The following VSX1 variants were observed in gnomAD, a reference collection of about 807,000 sequenced individuals.
VSX1 encodes the protein homeodomain protein RINX.
VSX1 carries 23 observed loss-of-function variants against 23.6 expected under a neutral mutation model. That is an observed-to-expected ratio of 0.97 (90% CI 0.70 to 1.38). The LOEUF (loss-of-function observed/expected upper bound fraction) is 1.38, where lower values mean the gene tolerates loss of function less well. Ranked by LOEUF, VSX1 falls within the 40% of genes most tolerant of loss-of-function variation. VSX1 has a pLI of 0.00. For synonymous variants in VSX1, 247 were observed against 215.1 expected (o/e 1.15, Z -1.30); for missense variants, 517 against 495.4 (o/e 1.04, Z -0.41).
downstream of VSX1, among the ~76,000 whole-genome samples, chr20:25,072,252 C>T (rs2089395260): frequency 6.6e-6 from 1 of 152,188 alleles, no homozygotes; most frequent in Non-Finnish European, 1.5e-5. Flanking sequence ...TTCACACATC[C>T]CACACATACA....
chr20:25,074,038 C>T (rs2089436671), downstream of VSX1, among the ~76,000 whole-genome samples: 1 of 152,112 alleles, frequency 6.6e-6, no homozygotes, highest in African/African-American at 2.4e-5. Context: ...TTTTGTTTGT[C>T]CCATATTGTC....
intron 1 of VSX1, 21 bp downstream of exon 1, chr20:25,081,652 G>A (rs1392110914): frequency 6.6e-7 from 1 of 1,525,976 alleles, no homozygotes; most frequent in Admixed American, 2.0e-5. Flanking sequence ...GGGCAGGAGC[G>A]GAAAGCGCGG....
intron 1 of VSX1, among the ~76,000 whole-genome samples, chr20:25,080,945 C>T (rs1568865739): frequency 6.6e-6 from 1 of 152,230 alleles, no homozygotes; most frequent in Non-Finnish European, 1.5e-5. Context: ...TTCTCTCCCA[C>T]ACCCAAAACC....
At chr20:25,077,561 G>T in intron 4 of VSX1, 124 bp downstream of exon 4, 1 of 1,171,232 alleles carries the variant, frequency 8.5e-7, no homozygotes, top group Admixed American at 2.0e-5. Flanking sequence ...AACGGTTCTG[G>T]ACCTGAATCT....
intron 1 of VSX1, among the ~76,000 whole-genome samples, chr20:25,080,017 T>C (rs2089606696): frequency 6.6e-6 from 1 of 152,174 alleles, no homozygotes; most frequent in Non-Finnish European, 1.5e-5. Context: ...TCGTCAGAAC[T>C]GCAACCCTTC....
In VSX1 at chr20:25,076,382, A is replaced by C; in HGVS notation, c.977T>G (p.Ile326Ser). 1 of 1,614,114 alleles carries C rather than the reference A, an allele frequency of 6.2e-7. No individual in the cohort carries two copies. Among genetic ancestry groups the C allele is most frequent in the Non-Finnish European group, 8.5e-7 (1 of 1,180,020 alleles). Residue 326 changes from isoleucine (I) to serine (S), a missense_variant, in exon 5 of 5, where the codon ATT becomes AGT. Coordinates refer to ENST00000376709, the MANE Select transcript of VSX1 (RefSeq NM_014588.6). ...SPENGLEDVA[I>S]DLSSSARQET... ...CTGCCGGGCAGAGCTGGAGAGGTCA[A>C]TAGCCACATCTTCCAAGCCATTCTC...
intron 2 of VSX1, 29 bp downstream of exon 2, chr20:25,079,407 C>A (rs1471212012): frequency 1.9e-6 from 3 of 1,597,116 alleles, no homozygotes; most frequent in South Asian, 2.3e-5. Flanking sequence ...CGAGGAAAGG[C>A]AGGCAGAGGG....
At chr20:25,074,772 G>C (rs921737371), downstream of VSX1, among the ~76,000 whole-genome samples, 75 of 152,282 alleles carry the variant, frequency 4.9e-4, no homozygotes, top group African/African-American at 1.7e-3. Context: ...CTAAGGAAGA[G>C]GGATGGAAGC....
rs945452579 is a variant in VSX1 at position 25,075,509 on chromosome 20, A to G, written c.*752T>C. 1 of 152,426 alleles carries G rather than the reference A, an allele frequency of 6.6e-6. No individual in the cohort carries two copies. The highest frequency in any genetic ancestry group is 1.5e-5 in the Non-Finnish European group (1 of 68,056). 9.4% of individuals were successfully genotyped at this position (152,426 alleles called of 1,614,324 possible). ...ATTTTTAAAGAATAAATAAATGGCA[A>G]AGGAAACGCAGGAAAGGAAAGATTT... is the stretch of plus-strand genomic sequence containing the variant. On this transcript the variant is annotated 3_prime_UTR_variant, in exon 5 of 5. Coordinates refer to ENST00000376709, the MANE Select transcript of VSX1 (RefSeq NM_014588.6).
Position 25,076,486 on chromosome 20 carries a change from G to C in VSX1, c.873C>G (p.Leu291=). 3 of 1,613,774 alleles carry C rather than the reference G, an allele frequency of 1.9e-6. No individual in the cohort carries two copies. Among genetic ancestry groups the C allele is most frequent in the Non-Finnish European group, 2.5e-6 (3 of 1,179,988 alleles). Residue 291 remains leucine (L), a synonymous_variant, in exon 5 of 5, where the codon CTC becomes CTG. Coordinates refer to ENST00000376709, the MANE Select transcript of VSX1 (RefSeq NM_014588.6). Reference sequence around the variant, plus strand: ...CTTCTTTGAAGTGGTCAGAGCCCCAGAGTCCTGCCAACTTATCTTCACTTC... The same window carrying C: ...CTTCTTTGAAGTGGTCAGAGCCCCACAGTCCTGCCAACTTATCTTCACTTC... The part of the protein sequence containing the change: ...KPGSEDKLAG[L]WGSDHFKEGS...
downstream of VSX1, chr20:25,071,074 C>G (rs554052464): frequency 2.2e-6 from 1 of 453,972 alleles, no homozygotes; most frequent in South Asian, 1.6e-5. Flanking sequence ...TTTCAAAGCC[C>G]GGGTTGAGAT....
At chr20:25,074,411 A>G (rs907727041), downstream of VSX1, among the ~76,000 whole-genome samples, 3 of 152,170 alleles carry the variant, frequency 2.0e-5, no homozygotes, top group African/African-American at 7.2e-5. Context: ...TTAAGAAAGC[A>G]TCCTTCCATT....
In VSX1 at chr20:25,082,135, C is replaced by A. The variant is rs567273266; in HGVS notation, c.-39G>T. The A allele has an allele frequency of 6.5e-7, 1 of 1,536,030 alleles. No individual in the cohort carries two copies. Among genetic ancestry groups the A allele is most frequent in the Non-Finnish European group, 8.7e-7 (1 of 1,147,008 alleles). On this transcript the variant is annotated 5_prime_UTR_variant, in exon 1 of 5. Coordinates refer to ENST00000376709, the MANE Select transcript of VSX1 (RefSeq NM_014588.6). ...GCAAGGCGCGAGCCTCTCTGGATCC[C>A]GTTTGCGGAGGGCCCAGCTTAGAGG...
In VSX1 at chr20:25,076,947, C is replaced by T. The variant is rs560195053; in HGVS notation, c.809-397G>A. On this transcript the variant is annotated intron_variant, in intron 4 of 4. Coordinates refer to ENST00000376709, the MANE Select transcript of VSX1 (RefSeq NM_014588.6). ...AGTCAGGACATATCTATGATTGGAACCTCCAGTGCCCAGGATAGGGCTGCT... is the reference window on the plus strand; with the variant it reads ...AGTCAGGACATATCTATGATTGGAATCTCCAGTGCCCAGGATAGGGCTGCT... 3.3e-5 allele frequency among the ~76,000 whole-genome samples: 5 copies of T among 152,354 alleles called. No homozygotes were observed. The South Asian group carries it at 1.0e-3, about 32-fold the overall frequency.
At position 25,079,145 on chromosome 20, in the gene VSX1, CTCTT is replaced by C. The variant is rs570247565; in HGVS notation, c.504-197_504-194del. Among the ~76,000 whole-genome samples, 3 of 152,226 alleles carry C rather than the reference CTCTT, an allele frequency of 2.0e-5. No individual in the cohort carries two copies. In the South Asian group the frequency reaches 6.2e-4, roughly 32 times the overall value. Reference sequence around the variant, plus strand: ...GATTCAAACGAAAACAGTTCTTTAGCTCTTTCTTAATGAATTCCATCAGCTCATT... The same window carrying C: ...GATTCAAACGAAAACAGTTCTTTAGCTCTTAATGAATTCCATCAGCTCATT... On this transcript the variant is annotated intron_variant, in intron 2 of 4. Coordinates refer to ENST00000376709, the MANE Select transcript of VSX1 (RefSeq NM_014588.6).
Position 25,081,663 on chromosome 20 carries a change from G to T in VSX1, c.424+10C>A, listed in dbSNP as rs2089645683. 2.6e-6 allele frequency: 4 copies of T among 1,523,080 alleles called. No individual in the cohort carries two copies. The highest frequency in any genetic ancestry group is 3.5e-6 in the Non-Finnish European group (4 of 1,141,772). The allele number at this position is 1,523,080 out of a possible 1,614,324, so 94.3% of individuals were successfully genotyped here. A position where few individuals can be genotyped will look rare whatever the true frequency, so the allele number is the denominator to read the frequency against. On this transcript the variant is annotated intron_variant, in intron 1 of 4. Transcript: ENST00000376709. The stretch of plus-strand genomic sequence containing the variant: ...ACAGGGGCAGGAGCGGAAAGCGCGG[G>T]CCTGATTACCGGACGTGGAGACGCT...
chr20:25,077,062 G>A (rs6083734), intron 4 of VSX1, among the ~76,000 whole-genome samples: 95,457 of 152,010 alleles, frequency 0.63, 30,628 homozygotes, highest in East Asian at 0.98. Flanking sequence ...TAATTACCCC[G>A]TGCCCGGAGG....
chr20:25,074,607 AT>A (rs1008418339), downstream of VSX1, among the ~76,000 whole-genome samples: 4 of 151,158 alleles, frequency 2.6e-5, no homozygotes, highest in African/African-American at 9.7e-5. Flanking sequence ...TTTTTTAGGG[AT>A]TTTTTTTACT....
In VSX1 at chr20:25,079,435, C is replaced by A. The variant is rs1260851261; in HGVS notation, c.503+1G>T. 2 of 1,610,978 alleles carry A rather than the reference C, an allele frequency of 1.2e-6. No individual in the cohort carries two copies. Among genetic ancestry groups the A allele is most frequent in the Middle Eastern group, 2.0e-4 (1 of 5,044 alleles). On this transcript the variant is annotated splice_donor_variant, in intron 2 of 4. Transcript: ENST00000376709. LOFTEE classifies it high-confidence loss of function. Reference sequence around the variant, plus strand: ...GCAGAGGGGACTGCCTGGCCCTATACCTGTGCCGCCGCTTCTTCCTCTTGC... The same window carrying A: ...GCAGAGGGGACTGCCTGGCCCTATAACTGTGCCGCCGCTTCTTCCTCTTGC...
Sources: gnomAD v4.1 joint callset for allele counts (sites outside exome capture counted in the v4.1 genomes callset) on GRCh38, gnomAD v4.1.1 for gene constraint, MANE v1.5 for transcripts, NCBI Gene and HGNC (gene_info 2026-07-23, HGNC 2026-07-21) for gene names.